The following THOC2 variants were observed in gnomAD, a reference collection of about 807,000 sequenced individuals.
THOC2 encodes the protein THO complex 2.
Under a neutral mutation model 128.4 loss-of-function variants are expected in THOC2, and 10 were observed. The observed-to-expected ratio is 0.08, with a 90% CI of 0.05 to 0.13. The LOEUF is 0.13. Ranked by LOEUF, THOC2 falls within the 10% of genes least tolerant of loss-of-function variation. The pLI is 1.00. For synonymous variants in THOC2, 393 were observed against 396.9 expected (o/e 0.99, Z 0.12); for missense variants, 535 against 1,155.7 (o/e 0.46, Z 7.79).
At chrX:123,678,980 T>G (rs1397061305) in intron 8 of THOC2, among the ~76,000 whole-genome samples, 2 of 111,202 alleles carry the variant, frequency 1.8e-5, no homozygotes, top group Admixed American at 1.9e-4. Flanking sequence ...ATCCACCCAT[T>G]TAAGCACCAA....
intron 28 of THOC2, 157 bp from the exon 29 acceptor site, chrX:123,623,440 G>T: frequency 1.6e-6 from 1 of 620,927 alleles, no homozygotes; most frequent in Non-Finnish European, 2.3e-6. Flanking sequence ...GGTTTTTATA[G>T]AACGCCCAGC....
At chrX:123,663,538 T>TAAAA (rs5903644) in intron 12 of THOC2, among the ~76,000 whole-genome samples, 4 of 100,896 alleles carry the variant, frequency 4.0e-5, no homozygotes, top group East Asian at 3.1e-4. Context: ...CTGATTTTTT[T>TAAAA]AAAAAAAAAA....
chrX:123,626,455 A>G, intron 24 of THOC2, 66 bp downstream of exon 24: 1 of 1,064,093 alleles, frequency 9.4e-7, no homozygotes, highest in East Asian at 3.2e-5. Context: ...TAACACCTCT[A>G]AAGTTATAAT....
In THOC2 at chrX:123,621,337, C is replaced by T; in HGVS notation, c.4036G>A (p.Val1346Ile). ...KAKDEKFKTTVPNAESKSTQE... is the reference protein window; with the variant it reads ...KAKDEKFKTTIPNAESKSTQE... ...GTTGATTTTGATTCTGCGTTGGGGA[C>T]AGTGGTCTTAAATTTCTCATCTTTA... The change falls in exon 31 of 39, where the codon GTC (valine) becomes ATC (isoleucine). Residue 1346 changes from valine (V) to isoleucine (I), a missense_variant. This residue lies in a region of THOC2 where 116 missense variants were observed against 180.0 expected (regional missense o/e 0.64). Coordinates refer to ENST00000245838, the MANE Select transcript of THOC2 (RefSeq NM_001081550.2). The T allele has an allele frequency of 8.3e-7, 1 of 1,210,667 alleles. No homozygotes were observed. Among genetic ancestry groups the T allele is most frequent in the Non-Finnish European group, 1.1e-6 (1 of 895,220 alleles).
chrX:123,638,159 C>T (rs2047746924), intron 17 of THOC2, 36 bp from the exon 18 acceptor site: 2 of 964,977 alleles, frequency 2.1e-6, no homozygotes, highest in Non-Finnish European at 2.9e-6. Flanking sequence ...GTCATTACAT[C>T]TCTAATAAAG....
intron 12 of THOC2, among the ~76,000 whole-genome samples, chrX:123,663,584 T>C (rs1302047965): frequency 2.8e-5 from 3 of 108,966 alleles, no homozygotes; most frequent in African/African-American, 6.7e-5. Context: ...GTAACTAGAA[T>C]GCAGCATGAG....
chrX:123,641,184 T>G (rs1205402031), intron 15 of THOC2, among the ~76,000 whole-genome samples: 1 of 112,141 alleles, frequency 8.9e-6, no homozygotes, highest in Non-Finnish European at 1.9e-5. Flanking sequence ...ATTTCTTCCT[T>G]TGCTCATTAT....
intron 24 of THOC2, 145 bp from the exon 25 acceptor site, chrX:123,626,214 G>T: frequency 4.4e-6 from 2 of 452,735 alleles, no homozygotes; most frequent in Non-Finnish European, 7.2e-6. Context: ...TGTCATGCCT[G>T]GTCATGATTA....
At chrX:123,694,620 G>A (rs5911688) in intron 7 of THOC2, among the ~76,000 whole-genome samples, 49 of 92,104 alleles carry the variant, frequency 5.3e-4, no homozygotes, top group Non-Finnish European at 7.7e-4. Flanking sequence ...AAAAAAAAAA[G>A]AAAAAAAAAA....
In THOC2 at chrX:123,668,168, T is replaced by C. The variant is rs2049122304; in HGVS notation, c.1008A>G (p.Lys336=). The C allele has an allele frequency of 8.4e-7, 1 of 1,185,403 alleles. No homozygotes were observed. ...REKEKEKEEE[K]VEKPPDNQKL... is the part of the protein sequence containing the mutation. ...AGAATGAATTACATACTTTCTCTAC[T>C]TTCTCCTCTTCTTTTTCCTTTTCTT... Residue 336 remains lysine, a synonymous_variant, in exon 10 of 39, where the codon AAA becomes AAG. Coordinates refer to ENST00000245838, the MANE Select transcript of THOC2 (RefSeq NM_001081550.2).
intron 18 of THOC2, 39 bp downstream of exon 18, chrX:123,638,004 A>G: frequency 1.0e-6 from 1 of 995,795 alleles, no homozygotes; most frequent in Non-Finnish European, 1.4e-6. Context: ...CAGTTACCAC[A>G]GATAGTAATT....
chrX:123,658,345 A>G (rs771613259), intron 12 of THOC2, among the ~76,000 whole-genome samples: 1 of 111,994 alleles, frequency 8.9e-6, no homozygotes, highest in African/African-American at 3.2e-5. Context: ...ATTAAAATAC[A>G]AAGACTGTCA....
chrX:123,684,179 G>C (rs1048842022), intron 8 of THOC2, among the ~76,000 whole-genome samples: 6 of 111,699 alleles, frequency 5.4e-5, no homozygotes, highest in Non-Finnish European at 7.5e-5. Context: ...CAACTAACCT[G>C]ATGTTATGCA....
intron 8 of THOC2, among the ~76,000 whole-genome samples, chrX:123,677,074 T>C (rs2049527061): frequency 8.9e-6 from 1 of 112,011 alleles, no homozygotes; most frequent in South Asian, 3.8e-4. Flanking sequence ...GTAGGCTATA[T>C]GGAATACTCT....
chrX:123,655,002 T>C (rs1241640777), intron 12 of THOC2, among the ~76,000 whole-genome samples: 2 of 110,565 alleles, frequency 1.8e-5, no homozygotes, highest in Non-Finnish European at 3.8e-5. Flanking sequence ...TAGATAATTT[T>C]TTATTACTAA....
intron 12 of THOC2, among the ~76,000 whole-genome samples, chrX:123,655,799 G>A (rs760227182): frequency 6.3e-5 from 7 of 111,419 alleles, no homozygotes; most frequent in Non-Finnish European, 1.1e-4. Context: ...AAGCGCCAAC[G>A]TATGAAATAG....
chrX:123,672,118 G>GT (rs1373866701), intron 8 of THOC2, among the ~76,000 whole-genome samples: 17 of 110,577 alleles, frequency 1.5e-4, no homozygotes, highest in East Asian at 2.8e-4. Flanking sequence ...TTTCTTTTCT[G>GT]TTTTTTTGTG....
At chrX:123,624,756 T>G in intron 25 of THOC2, 87 bp from the exon 26 acceptor site, 1 of 902,842 alleles carries the variant, frequency 1.1e-6, no homozygotes. Context: ...CAGCAAGTCA[T>G]AATAAACAGG....
chrX:123,694,908 G>A (rs1316219147), intron 7 of THOC2, among the ~76,000 whole-genome samples: 2 of 112,416 alleles, frequency 1.8e-5, no homozygotes, highest in Non-Finnish European at 1.9e-5. Context: ...CAGAAAGATC[G>A]CTTGAGCCCA....
Sources: gnomAD v4.1 joint callset for allele counts (sites outside exome capture counted in the v4.1 genomes callset) on GRCh38, gnomAD v4.1.1 for gene constraint, gnomAD v4.1.1 regional missense constraint, MANE v1.5 for transcripts, NCBI Gene and HGNC (gene_info 2026-07-23, HGNC 2026-07-21) for gene names.